CD59: variants seen among roughly 807,000 people sequenced by gnomAD.
CD59 encodes the protein CD59 molecule (CD59 blood group), also known as CD59 glycoprotein.
CD59 carries 3 observed loss-of-function variants against 7.0 expected under a neutral mutation model. The ratio of observed to expected loss-of-function variants is 0.43; its 90% CI spans 0.19 to 1.10. The LOEUF (loss-of-function observed/expected upper bound fraction) is 1.10, where lower values mean the gene tolerates loss of function less well. CD59 is among the 50% of genes least tolerant of loss of function. The probability of loss-of-function intolerance (pLI) is 0.29; values close to 1 mark genes in which losing one functional copy is unlikely to be tolerated. For missense variants in CD59, 143 were observed against 151.0 expected (o/e 0.95, Z 0.28); for synonymous variants, 60 against 62.0 (o/e 0.97, Z 0.15).
chr11:33,730,740 C>A (rs958742774), intron 1 of CD59, among the ~76,000 whole-genome samples: 1 of 152,054 alleles, frequency 6.6e-6, no homozygotes. Context: ...TCGTGTTAAG[C>A]GCAATAGTGT....
chr11:33,710,031 C>T lies in CD59; in HGVS notation c.*95G>A. 1 of 992,878 alleles carries T rather than the reference C, an allele frequency of 1.0e-6. No homozygotes were observed. Among genetic ancestry groups the T allele is most frequent in the East Asian group, 2.6e-5 (1 of 38,522 alleles). The allele number at this position is 992,878 out of a possible 1,614,324, so 61.5% of individuals were successfully genotyped here. On this transcript the variant is annotated 3_prime_UTR_variant, in exon 4 of 4. Coordinates refer to ENST00000642928, the MANE Select transcript of CD59 (RefSeq NM_000611.6). ...TAATTTTATTCTTTCCCAACAGGATCCATTTGGAAAATATCAAGCCTTTAG... is the reference window on the plus strand; with the variant it reads ...TAATTTTATTCTTTCCCAACAGGATTCATTTGGAAAATATCAAGCCTTTAG...
chr11:33,722,897 G>A (rs1854135789), intron 1 of CD59: 2 of 1,045,574 alleles, frequency 1.9e-6, no homozygotes, highest in Non-Finnish European at 2.4e-6. Context: ...AGTGGAACAG[G>A]GAGCAATGGC....
chr11:33,711,594 T>C (rs1853562275), intron 3 of CD59: 4 of 571,018 alleles, frequency 7.0e-6, no homozygotes, highest in Non-Finnish European at 1.2e-5. Flanking sequence ...GGAGGATCAC[T>C]TGGACTCAGG....
chr11:33,735,195 G>A (rs1231584578), intron 1 of CD59, among the ~76,000 whole-genome samples: 2 of 152,204 alleles, frequency 1.3e-5, no homozygotes, highest in Non-Finnish European at 2.9e-5. Context: ...AAACCGCCAG[G>A]AGTGGAGAAC....
chr11:33,715,411 GC>G (rs1382849779), intron 3 of CD59, among the ~76,000 whole-genome samples: 1 of 151,960 alleles, frequency 6.6e-6, no homozygotes, highest in African/African-American at 2.4e-5. Context: ...ATGAGCCTGG[GC>G]AAAATAGTGA....
chr11:33,726,778 C>T (rs930927337), intron 1 of CD59, among the ~76,000 whole-genome samples: 9 of 151,700 alleles, frequency 5.9e-5, no homozygotes, highest in Admixed American at 5.3e-4. Flanking sequence ...GACTGTTAGC[C>T]AGACTAATAA....
At chr11:33,716,246 A>T (rs144961296) in intron 3 of CD59, among the ~76,000 whole-genome samples, 3 of 152,304 alleles carry the variant, frequency 2.0e-5, no homozygotes, top group Non-Finnish European at 4.4e-5. Flanking sequence ...CTGTTTTTTT[A>T]GACAGGGTAA....
In CD59 at chr11:33,710,245, T is replaced by C. The variant is rs1331040880; in HGVS notation, c.268A>G (p.Lys90Glu). 1 of 1,614,198 alleles carries C rather than the reference T, an allele frequency of 6.2e-7. No homozygotes were observed. The highest frequency in any genetic ancestry group is 1.7e-5 in the Admixed American group (1 of 60,020). ...TCGTTAAAGTTACACAGGTCCTTCTTGCAGCAGTAGTACGTTAGCTCATTT... is the reference window on the plus strand; with the variant it reads ...TCGTTAAAGTTACACAGGTCCTTCTCGCAGCAGTAGTACGTTAGCTCATTT... ...RENELTYYCC[K>E]KDLCNFNEQL... Residue 90 changes from lysine (K) to glutamate (E), a missense_variant, in exon 4 of 4, where the codon AAG becomes GAG. Coordinates refer to ENST00000642928, the MANE Select transcript of CD59 (RefSeq NM_000611.6).
chr11:33,725,480 A>T (rs1474774990), intron 1 of CD59, among the ~76,000 whole-genome samples: 1 of 152,190 alleles, frequency 6.6e-6, no homozygotes, highest in East Asian at 1.9e-4. Context: ...GACTGTTCTA[A>T]TAATACTGCT....
chr11:33,726,552 C>T (rs1419496404), intron 1 of CD59, among the ~76,000 whole-genome samples: 1 of 152,166 alleles, frequency 6.6e-6, no homozygotes, highest in African/African-American at 2.4e-5. Context: ...ATTTATAGCA[C>T]TAAATGCCCA....
intron 1 of CD59, chr11:33,722,791 G>A (rs1318909943): frequency 1.0e-6 from 1 of 998,368 alleles, no homozygotes; most frequent in African/African-American, 1.7e-5. Flanking sequence ...CCCACCCCAA[G>A]CTGCTGGCTG....
chr11:33,717,320 G>A (rs1209641673), intron 3 of CD59, 50 bp downstream of exon 3: 1 of 1,203,324 alleles, frequency 8.3e-7, no homozygotes, highest in Non-Finnish European at 1.2e-6. Context: ...TTTTTTCCCA[G>A]GCACTTATTA....
In CD59 at chr11:33,704,207, G is replaced by T. The variant is rs1853216427; in HGVS notation, c.*5919C>A. On this transcript the variant is annotated 3_prime_UTR_variant, in exon 4 of 4. Coordinates refer to ENST00000642928, the MANE Select transcript of CD59 (RefSeq NM_000611.6). ...GAATACAAGAGTTGTGCCTGAATCT[G>T]GGACTCTCTGTGACCCTGGGAAAAT... The T allele has an allele frequency of 6.6e-6, 1 of 151,218 alleles. No homozygotes were observed. 9.4% of individuals were successfully genotyped at this position (151,218 alleles called of 1,614,324 possible).
intron 3 of CD59, among the ~76,000 whole-genome samples, chr11:33,715,067 C>A (rs1330253695): frequency 6.6e-6 from 1 of 151,776 alleles, no homozygotes; most frequent in Non-Finnish European, 1.5e-5. Flanking sequence ...CCTCAGCCTC[C>A]CGAGAGGCTG....
At chr11:33,714,914 G>A (rs1465595799) in intron 3 of CD59, among the ~76,000 whole-genome samples, 1 of 150,354 alleles carries the variant, frequency 6.7e-6, no homozygotes, top group African/African-American at 2.4e-5. Context: ...AATACCTCCT[G>A]AAGGACCTGC....
chr11:33,719,217 C>T (rs1464363382), intron 2 of CD59: 1 of 152,216 alleles, frequency 6.6e-6, no homozygotes, highest in Admixed American at 6.5e-5. Flanking sequence ...TTCTCTAGAG[C>T]ATCTGAAATG....
intron 2 of CD59, 97 bp from the exon 3 acceptor site, chr11:33,717,568 T>C (rs1853856516): frequency 1.3e-6 from 1 of 752,628 alleles, no homozygotes; most frequent in East Asian, 2.7e-5. Flanking sequence ...AGTCAGCAAC[T>C]TGTGGTATAC....
rs535407770 is a variant in CD59, at chr11:33,717,746, T to G, written c.68-275A>C. ...CTCCTAACCTGCAACTGGAAGGAGA[T>G]TAGTCTGCAATGTAATGATGTGTTA... On this transcript the variant is annotated intron_variant, in intron 2 of 3. Coordinates refer to ENST00000642928, the MANE Select transcript of CD59 (RefSeq NM_000611.6). 19 of 422,076 alleles carry G rather than the reference T, an allele frequency of 4.5e-5. 1 individual carries two copies. Among genetic ancestry groups the G allele is most frequent in the South Asian group, 3.9e-4 (19 of 48,432 alleles). 26.1% of individuals were successfully genotyped at this position (422,076 alleles called of 1,614,324 possible).
chr11:33,728,308 G>A (rs1466035151), intron 1 of CD59, among the ~76,000 whole-genome samples: 1 of 152,160 alleles, frequency 6.6e-6, no homozygotes, highest in African/African-American at 2.4e-5. Context: ...GCATGGTACT[G>A]GTACCGAAAC....
Sources: allele counts gnomAD v4.1 joint callset (sites outside exome capture counted in the v4.1 genomes callset), GRCh38; gene constraint gnomAD v4.1.1; transcripts MANE v1.5; gene names NCBI Gene and HGNC (gene_info 2026-07-23, HGNC 2026-07-21).